Variants in CNTNAP2 observed in about 807,000 individuals in gnomAD.
CNTNAP2 encodes the protein contactin-associated protein-like 2.
In CNTNAP2, 98 loss-of-function variants were observed where a neutral mutation model predicts 155.2. The observed-to-expected ratio is 0.63, with a 90% CI of 0.54 to 0.75. CNTNAP2 has a LOEUF of 0.75. Among genes scored for constraint, CNTNAP2 ranks in the 30% least tolerant of loss-of-function variants. The pLI is 0.00. For missense variants in CNTNAP2, 1,727 were observed against 1,688.1 expected, an observed-to-expected ratio of 1.02 and a Z score of -0.40; for synonymous variants, 651 against 631.2, an observed-to-expected ratio of 1.03 and a Z score of -0.47.
At chr7:147,402,280 G>T (rs2116469879) in intron 10 of CNTNAP2, among the ~76,000 whole-genome samples, 1 of 152,228 alleles carries the variant, frequency 6.6e-6, no homozygotes, top group East Asian at 1.9e-4. Flanking sequence ...CACAGGGGTG[G>T]GATCTGTCCC....
intron 1 of CNTNAP2, among the ~76,000 whole-genome samples, chr7:146,750,684 T>G (rs1282376482): frequency 6.6e-6 from 1 of 152,204 alleles, no homozygotes; most frequent in African/African-American, 2.4e-5. Context: ...CTCATTGAAC[T>G]TAATATTTAG....
intron 15 of CNTNAP2, among the ~76,000 whole-genome samples, chr7:148,108,886 C>A (rs1373324544): frequency 6.6e-6 from 1 of 152,154 alleles, no homozygotes; most frequent in Non-Finnish European, 1.5e-5. Flanking sequence ...ATGTTAAGTA[C>A]CTTGATTTAA....
intron 2 of CNTNAP2, among the ~76,000 whole-genome samples, chr7:146,801,241 G>A (rs1437886498): frequency 2.6e-5 from 4 of 152,074 alleles, no homozygotes; most frequent in Non-Finnish European, 4.4e-5. Context: ...CTAATAGAGT[G>A]AGAACTCACT....
At chr7:147,736,773 G>C (rs1796854787) in intron 13 of CNTNAP2, among the ~76,000 whole-genome samples, 1 of 151,914 alleles carries the variant, frequency 6.6e-6, no homozygotes, top group Non-Finnish European at 1.5e-5. Flanking sequence ...TCATTCATTT[G>C]ATCTTCAGTC....
At chr7:146,186,671 C>CT in intron 1 of CNTNAP2, among the ~76,000 whole-genome samples, 2 of 152,206 alleles carry the variant, frequency 1.3e-5, no homozygotes, top group East Asian at 1.9e-4. Flanking sequence ...TGGTCACATT[C>CT]TTTTTTCTGC....
At chr7:147,288,067 A>G (rs1026531140) in intron 8 of CNTNAP2, among the ~76,000 whole-genome samples, 5 of 152,050 alleles carry the variant, frequency 3.3e-5, no homozygotes, top group African/African-American at 9.7e-5. Context: ...TGGCACTCCA[A>G]TACACCAAGC....
At chr7:146,720,641 A>G (rs748413876) in intron 1 of CNTNAP2, among the ~76,000 whole-genome samples, 5 of 151,594 alleles carry the variant, frequency 3.3e-5, no homozygotes, top group Non-Finnish European at 7.4e-5. Context: ...TAGAAATGAC[A>G]CCTATTTTGG....
Position 147,221,269 on chromosome 7 carries a change from TA to T in CNTNAP2, c.1349-78871del, listed in dbSNP as rs1231539817. Among the ~76,000 whole-genome samples, 11 of 152,316 alleles carry T rather than the reference TA, an allele frequency of 7.2e-5. No homozygotes were observed. The East Asian group carries it at 7.7e-4, about 11-fold the overall frequency. On this transcript the variant is annotated intron_variant, in intron 8 of 23. Transcript: ENST00000361727. The stretch of plus-strand genomic sequence containing the variant: ...ACATAATTAAATACATTTTTCATGG[TA>T]TTTTTTTGAACAAATATTTACTTGT...
chr7:146,857,789 C>G (rs375411715), intron 3 of CNTNAP2, among the ~76,000 whole-genome samples: 1 of 152,236 alleles, frequency 6.6e-6, no homozygotes, highest in African/African-American at 2.4e-5. Flanking sequence ...GATGAGTAGT[C>G]AGCTGCTGTT....
chr7:147,953,181 T>C (rs2178768), intron 14 of CNTNAP2, among the ~76,000 whole-genome samples: 70,787 of 152,032 alleles, frequency 0.47, 17,825 homozygotes, highest in Middle Eastern at 0.69. Context: ...ATAGGAAGCA[T>C]CAGTTGTGCT....
At chr7:146,690,612 C>G (rs1186158042) in intron 1 of CNTNAP2, among the ~76,000 whole-genome samples, 1 of 152,154 alleles carries the variant, frequency 6.6e-6, no homozygotes, top group Non-Finnish European at 1.5e-5. Context: ...TAGCTAGAAT[C>G]TGCTCTCGAC....
At chr7:147,246,078 A>G (rs1804057916) in intron 8 of CNTNAP2, among the ~76,000 whole-genome samples, 1 of 149,910 alleles carries the variant, frequency 6.7e-6, no homozygotes, top group South Asian at 2.1e-4. Flanking sequence ...GCATATATAT[A>G]TATACATATA....
chr7:147,038,026 A>C (rs1563053398), intron 3 of CNTNAP2, among the ~76,000 whole-genome samples: 1 of 152,148 alleles, frequency 6.6e-6, no homozygotes, highest in African/African-American at 2.4e-5. Flanking sequence ...CTATTGGCAC[A>C]CACCTATAGT....
At chr7:146,808,874 AATTTCCTT>A (rs1803014850) in intron 2 of CNTNAP2, among the ~76,000 whole-genome samples, 1 of 152,170 alleles carries the variant, frequency 6.6e-6, no homozygotes, top group African/African-American at 2.4e-5. Flanking sequence ...CGAATGACAG[AATTTCCTT>A]CTTTTTATGG....
At chr7:146,684,639 CAAAAA>C (rs3080477) in intron 1 of CNTNAP2, among the ~76,000 whole-genome samples, 2 of 63,514 alleles carry the variant, frequency 3.1e-5, no homozygotes, top group African/African-American at 6.0e-5. Flanking sequence ...AGATCCAGCG[CAAAAA>C]AAAAAAAAAA....
intron 1 of CNTNAP2, among the ~76,000 whole-genome samples, chr7:146,337,316 A>C (rs930367766): frequency 1.4e-4 from 22 of 151,842 alleles, no homozygotes; most frequent in Non-Finnish European, 2.4e-4. Flanking sequence ...AAAAAAAAAC[A>C]AACTACGTAA....
rs3053208 is a variant in CNTNAP2 at position 147,425,135 on chromosome 7, A to AT, written c.1670+29369dup. Among the ~76,000 whole-genome samples, 263 of 146,834 alleles carry AT rather than the reference A, an allele frequency of 1.8e-3. 2 individuals carry two copies. The highest frequency in any genetic ancestry group is 7.1e-3 in the Middle Eastern group (2 of 280). Reference sequence around the variant, plus strand: ...AAAAGCCAAAGGTTTTGCAAGTGGAATTTTTTTTTTTTTTAGAAATTGTTT... The same window carrying AT: ...AAAAGCCAAAGGTTTTGCAAGTGGAATTTTTTTTTTTTTTTAGAAATTGTTT... On this transcript the variant is annotated intron_variant, in intron 10 of 23. Coordinates refer to ENST00000361727, the MANE Select transcript of CNTNAP2 (RefSeq NM_014141.6).
chr7:147,425,135 A>ATT (rs3053208), intron 10 of CNTNAP2, among the ~76,000 whole-genome samples: 39 of 146,872 alleles, frequency 2.7e-4, no homozygotes, highest in African/African-American at 9.3e-4. Flanking sequence ...TGCAAGTGGA[A>ATT]TTTTTTTTTT....
chr7:146,678,948 G>A (rs1800451809), intron 1 of CNTNAP2, among the ~76,000 whole-genome samples: 1 of 152,094 alleles, frequency 6.6e-6, no homozygotes, highest in African/African-American at 2.4e-5. Flanking sequence ...GGCAACTTGA[G>A]TATTTGACTC....
Sources: gnomAD v4.1 joint callset for allele counts (sites outside exome capture counted in the v4.1 genomes callset) on GRCh38, gnomAD v4.1.1 for gene constraint, MANE v1.5 for transcripts, NCBI Gene and HGNC (gene_info 2026-07-23, HGNC 2026-07-21) for gene names.